Variants in CLCN3 observed in about 807,000 individuals in gnomAD.
CLCN3 encodes H(+)/Cl(-) exchange transporter 3.
Under a neutral mutation model 83.4 loss-of-function variants are expected in CLCN3, and 16 were observed. That is an observed-to-expected ratio of 0.19 (90% CI 0.13 to 0.29). CLCN3 has a LOEUF of 0.29. Among genes scored for constraint, CLCN3 ranks in the 10% least tolerant of loss-of-function variants. The pLI, the probability that CLCN3 is intolerant of heterozygous loss-of-function variation, is 1.00. For synonymous variants in CLCN3, 322 were observed against 346.2 expected (o/e 0.93, Z 0.78); for missense variants, 544 against 1,006.0 (o/e 0.54, Z 6.21).
At chr4:169,634,269 TAATGTTCACTGA>T (rs1271577412) in intron 1 of CLCN3, among the ~76,000 whole-genome samples, 8 of 152,238 alleles carry the variant, frequency 5.3e-5, no homozygotes, top group Non-Finnish European at 1.2e-4. Flanking sequence ...AGCCTCTAGC[TAATGTTCACTGA>T]AATGTTATCA....
chr4:169,672,943 G>A (rs1230675791), intron 2 of CLCN3, among the ~76,000 whole-genome samples: 1 of 151,900 alleles, frequency 6.6e-6, no homozygotes, highest in Non-Finnish European at 1.5e-5. Context: ...GATTACAAGC[G>A]GGAGCCACCG....
intron 2 of CLCN3, among the ~76,000 whole-genome samples, chr4:169,645,683 T>C (rs1730553564): frequency 6.6e-6 from 1 of 152,208 alleles, no homozygotes; most frequent in Non-Finnish European, 1.5e-5. Context: ...TTTTTCCAGG[T>C]CTTTATACAT....
rs139640864 is a variant in CLCN3 at position 169,675,429 on chromosome 4, G to C, written c.161-4621G>C. On this transcript the variant is annotated intron_variant, in intron 2 of 12. Transcript: ENST00000513761. ...TGAGTTTGTTTAAACTAGAAAGATG[G>C]CAAGAGTAGTCTGGGAATTTTGTTC... Among the ~76,000 whole-genome samples, 942 of 152,270 alleles carry C rather than the reference G, an allele frequency of 6.2e-3. 11 individuals are homozygous for C. The highest frequency in any genetic ancestry group is 0.021 in the African/African-American group (867 of 41,566).
chr4:169,636,739 T>TTTG lies in CLCN3; in HGVS notation c.160+653_160+654insGTT, dbSNP rs1318661452. Among the ~76,000 whole-genome samples the TTTG allele has an allele frequency of 3.3e-5, 5 of 151,568 alleles. No individual in the cohort carries two copies. In the East Asian group the frequency reaches 5.8e-4, roughly 18 times the overall value. Reference sequence around the variant, plus strand: ...ACACTGATATTTCATTATTTGGTTTTTTTTTTTTTTTTCATATTTTGGCTA... The same window carrying TTTG: ...ACACTGATATTTCATTATTTGGTTTTTTGTTTTTTTTTTTTCATATTTTGGCTA... On this transcript the variant is annotated intron_variant, in intron 2 of 12. Transcript: ENST00000513761.
chr4:169,687,765 A>G lies in CLCN3; in HGVS notation c.418+8A>G. ...TAACAGGATTGGCATCAGGTAAAGA[A>G]AATTTTTCAAGCAATCCTTTTTTAG... On this transcript the variant is annotated splice_region_variant and intron_variant, in intron 4 of 12. Coordinates refer to ENST00000513761, the MANE Select transcript of CLCN3 (RefSeq NM_001829.4). 2.7e-6 allele frequency: 4 copies of G among 1,498,836 alleles called. No individual in the cohort carries two copies. Among genetic ancestry groups the G allele is most frequent in the Non-Finnish European group, 3.6e-6 (4 of 1,100,580 alleles). 92.8% of individuals were successfully genotyped at this position (1,498,836 alleles called of 1,614,324 possible).
chr4:169,640,859 T>C (rs1466325743), intron 2 of CLCN3, among the ~76,000 whole-genome samples: 1 of 152,214 alleles, frequency 6.6e-6, no homozygotes, highest in African/African-American at 2.4e-5. Flanking sequence ...TGATCAGCCA[T>C]GTTTAAGCAA....
At chr4:169,718,939 G>A (rs1464132610) in intron 12 of CLCN3, among the ~76,000 whole-genome samples, 1 of 152,116 alleles carries the variant, frequency 6.6e-6, no homozygotes, top group Non-Finnish European at 1.5e-5. Flanking sequence ...TTTCATAAAA[G>A]CACTGTATCT....
At chr4:169,651,877 A>G (rs569444576) in intron 2 of CLCN3, among the ~76,000 whole-genome samples, 1 of 152,292 alleles carries the variant, frequency 6.6e-6, no homozygotes, top group Admixed American at 6.5e-5. Context: ...ACCTTAGAAC[A>G]CATTGAAGTC....
intron 2 of CLCN3, chr4:169,642,876 A>G (rs1381774127): frequency 1.3e-5 from 2 of 152,204 alleles, no homozygotes; most frequent in African/African-American, 4.8e-5. Context: ...GAATCACAAG[A>G]TTCCACAATG....
At chr4:169,674,919 T>G (rs1218204784) in intron 2 of CLCN3, among the ~76,000 whole-genome samples, 3 of 152,102 alleles carry the variant, frequency 2.0e-5, no homozygotes, top group Non-Finnish European at 2.9e-5. Flanking sequence ...CCCAGCTAGT[T>G]TTTGTAGAGA....
intron 2 of CLCN3, among the ~76,000 whole-genome samples, chr4:169,666,267 A>G (rs74465392): frequency 0.073 from 11,048 of 152,262 alleles, 1,296 homozygotes; most frequent in African/African-American, 0.25. Flanking sequence ...ATATCTATAT[A>G]CTATGTCAGT....
chr4:169,704,893 T>G (rs993008822), intron 10 of CLCN3, among the ~76,000 whole-genome samples: 10 of 152,138 alleles, frequency 6.6e-5, no homozygotes, highest in Non-Finnish European at 2.9e-5. Flanking sequence ...AAATGTAATA[T>G]CAATTAAAAG....
intron 7 of CLCN3, among the ~76,000 whole-genome samples, chr4:169,694,577 G>A (rs1197726772): frequency 3.3e-5 from 5 of 152,178 alleles, no homozygotes; most frequent in African/African-American, 9.6e-5. Context: ...GGTGGCTCAC[G>A]CCTATAATCC....
At chr4:169,712,801 A>G (rs1416444717) in intron 11 of CLCN3, among the ~76,000 whole-genome samples, 1 of 152,240 alleles carries the variant, frequency 6.6e-6, no homozygotes, top group Non-Finnish European at 1.5e-5. Flanking sequence ...GTTAGAAAAC[A>G]GCTTCAGTAA....
At chr4:169,675,136 T>C (rs955910263) in intron 2 of CLCN3, among the ~76,000 whole-genome samples, 11 of 152,258 alleles carry the variant, frequency 7.2e-5, no homozygotes, top group African/African-American at 2.7e-4. Flanking sequence ...TATTACGTTG[T>C]TTAAAATATT....
At chr4:169,698,162 A>G (rs1303447136) in intron 9 of CLCN3, among the ~76,000 whole-genome samples, 1 of 152,234 alleles carries the variant, frequency 6.6e-6, no homozygotes, top group African/African-American at 2.4e-5. Flanking sequence ...GTATTTTGAT[A>G]GAGGCATGGA....
At chr4:169,671,926 C>G (rs1273064579) in intron 2 of CLCN3, among the ~76,000 whole-genome samples, 6 of 152,180 alleles carry the variant, frequency 3.9e-5, no homozygotes, top group African/African-American at 1.4e-4. Context: ...TTAATAAAAT[C>G]TAACTGTGAG....
At position 169,707,099 on chromosome 4, in the gene CLCN3, G is replaced by A. The variant is rs981035966; in HGVS notation, c.1982G>A (p.Arg661Gln). ...TTLAADVMRP[R>Q]RNDPPLAVLT... Reference sequence around the variant, plus strand: ...CTGGCTGCTGACGTTATGAGACCTCGAAGGAATGATCCTCCCTTAGCTGTC... The same window carrying A: ...CTGGCTGCTGACGTTATGAGACCTCAAAGGAATGATCCTCCCTTAGCTGTC... Residue 661 changes from arginine (R) to glutamine (Q), a missense_variant, in exon 11 of 13, where the codon CGA (arginine) becomes CAA (glutamine). Around this residue, in one of 6 missense-constraint regions of CLCN3, gnomAD observed 142 missense variants for 225.0 expected, o/e 0.63. Coordinates refer to ENST00000513761, the MANE Select transcript of CLCN3 (RefSeq NM_001829.4). 1.9e-6 allele frequency: 3 copies of A among 1,613,988 alleles called. No homozygotes were observed. The highest frequency in any genetic ancestry group is 2.5e-6 in the Non-Finnish European group (3 of 1,179,930).
rs766634281 is a variant in CLCN3, at chr4:169,662,369, G to C, written c.161-17681G>C. ...AGTCAGTTATTAGGCTTTCGTGACT[G>C]TACTGTATTACCTCAAACATACTGT... On this transcript the variant is annotated intron_variant, in intron 2 of 12. Transcript: ENST00000513761. Among the ~76,000 whole-genome samples the C allele has an allele frequency of 2.0e-5, 3 of 152,122 alleles. No individual in the cohort carries two copies. In the East Asian group the frequency reaches 5.8e-4, roughly 29 times the overall value.
Sources: gnomAD v4.1 joint callset for allele counts (sites outside exome capture counted in the v4.1 genomes callset) on GRCh38, gnomAD v4.1.1 for gene constraint, gnomAD v4.1.1 regional missense constraint, MANE v1.5 for transcripts, NCBI Gene and HGNC (gene_info 2026-07-23, HGNC 2026-07-21) for gene names.